Variants in CDH18 observed in about 807,000 individuals in gnomAD.
CDH18 encodes cadherin-18.
CDH18 carries 31 observed loss-of-function variants against 67.9 expected under a neutral mutation model. The ratio of observed to expected loss-of-function variants is 0.46; its 90% CI spans 0.34 to 0.62. The LOEUF is 0.62. CDH18 is among the 20% of genes least tolerant of loss of function. CDH18 has a pLI of 0.01. For missense variants in CDH18, 890 were observed against 975.5 expected, an observed-to-expected ratio of 0.91 and a Z score of 1.17; for synonymous variants, 362 against 347.2, an observed-to-expected ratio of 1.04 and a Z score of -0.48.
intron 12 of CDH18, among the ~76,000 whole-genome samples, chr5:19,477,607 A>AC (rs1463605503): frequency 6.6e-6 from 1 of 152,134 alleles, no homozygotes; most frequent in Non-Finnish European, 1.5e-5. Context: ...AAATCCTAAG[A>AC]CCAAAGTATA....
chr5:20,115,939 C>T (rs148065107), intron 2 of CDH18, among the ~76,000 whole-genome samples: 1 of 152,196 alleles, frequency 6.6e-6, no homozygotes, highest in East Asian at 1.9e-4. Context: ...TTCAATTCTC[C>T]CCATCCTCTC....
intron 5 of CDH18, among the ~76,000 whole-genome samples, chr5:19,623,432 A>G (rs1751002931): frequency 6.6e-6 from 1 of 152,194 alleles, no homozygotes; most frequent in Admixed American, 6.5e-5. Context: ...GTTATATTTC[A>G]TTTCTAGATT....
chr5:20,320,417 G>A (rs1737895614), intron 1 of CDH18, among the ~76,000 whole-genome samples: 1 of 151,990 alleles, frequency 6.6e-6, no homozygotes, highest in South Asian at 2.1e-4. Context: ...TGACAGGGAT[G>A]AGCTGGGCAG....
intron 1 of CDH18, among the ~76,000 whole-genome samples, chr5:20,320,222 A>G (rs1408267051): frequency 6.6e-6 from 1 of 152,160 alleles, no homozygotes; most frequent in African/African-American, 2.4e-5. Flanking sequence ...ATATTTTAAT[A>G]AAATAATATC....
At chr5:19,684,154 T>C (rs983741276) in intron 5 of CDH18, among the ~76,000 whole-genome samples, 2 of 152,112 alleles carry the variant, frequency 1.3e-5, no homozygotes, top group Non-Finnish European at 2.9e-5. Flanking sequence ...CTCTCATATT[T>C]TTAGCAAAAA....
intron 1 of CDH18, among the ~76,000 whole-genome samples, chr5:20,538,227 G>A (rs552760434): frequency 1.8e-4 from 27 of 152,226 alleles, no homozygotes; most frequent in African/African-American, 5.8e-4. Flanking sequence ...GATCTAAAAT[G>A]AGAAAGGGGG....
chr5:20,258,023 G>T (rs1744375705), intron 1 of CDH18, among the ~76,000 whole-genome samples: 1 of 151,986 alleles, frequency 6.6e-6, no homozygotes, highest in Non-Finnish European at 1.5e-5. Context: ...ATTTTGCAGA[G>T]CTCTTCATTT....
At chr5:20,506,066 G>A (rs1229143368) in intron 1 of CDH18, among the ~76,000 whole-genome samples, 1 of 152,140 alleles carries the variant, frequency 6.6e-6, no homozygotes, top group East Asian at 1.9e-4. Flanking sequence ...TCAAAAAAAG[G>A]ATGACACATT....
At chr5:19,973,987 T>C (rs1400621188) in intron 2 of CDH18, among the ~76,000 whole-genome samples, 1 of 152,142 alleles carries the variant, frequency 6.6e-6, no homozygotes, top group Non-Finnish European at 1.5e-5. Context: ...GAAGGGTATT[T>C]GATGATGCAA....
At chr5:19,793,714 T>C (rs1776586680) in intron 3 of CDH18, among the ~76,000 whole-genome samples, 1 of 151,766 alleles carries the variant, frequency 6.6e-6, no homozygotes, top group Admixed American at 6.6e-5. Context: ...AGATAGACAA[T>C]AAAACAAATA....
chr5:20,536,918 C>A (rs1186747016), intron 1 of CDH18, among the ~76,000 whole-genome samples: 1 of 152,090 alleles, frequency 6.6e-6, no homozygotes, highest in Non-Finnish European at 1.5e-5. Flanking sequence ...CTTGGATGGT[C>A]TAAATGGTCT....
chr5:20,550,828 G>A (rs1351441329), intron 1 of CDH18, among the ~76,000 whole-genome samples: 1 of 152,132 alleles, frequency 6.6e-6, no homozygotes, highest in Admixed American at 6.5e-5. Context: ...TACAAGCCTG[G>A]TGCCAGCATC....
intron 1 of CDH18, among the ~76,000 whole-genome samples, chr5:20,257,622 G>T (rs1744347269): frequency 2.6e-5 from 4 of 152,012 alleles, no homozygotes; most frequent in Admixed American, 2.6e-4. Flanking sequence ...ATAGTTCTTA[G>T]CATATTGATA....
intron 2 of CDH18, among the ~76,000 whole-genome samples, chr5:20,081,157 C>T (rs1375153250): frequency 2.6e-3 from 2 of 770 alleles, no homozygotes; most frequent in African/African-American, 4.1e-3. Flanking sequence ...GTATCTTTTC[C>T]TATTTTGGTA....
chr5:19,674,095 G>GAAA (rs1252513334), intron 5 of CDH18, among the ~76,000 whole-genome samples: 1 of 151,904 alleles, frequency 6.6e-6, no homozygotes, highest in African/African-American at 2.4e-5. Context: ...GGTAGCAATA[G>GAAA]AAAAAACAAT....
chr5:20,403,709 C>G (rs1745983569), intron 1 of CDH18, among the ~76,000 whole-genome samples: 1 of 152,052 alleles, frequency 6.6e-6, no homozygotes, highest in Non-Finnish European at 1.5e-5. Flanking sequence ...AGAACACAGG[C>G]AGAGTAGATT....
intron 9 of CDH18, among the ~76,000 whole-genome samples, chr5:19,532,801 A>G (rs1748847215): frequency 6.6e-6 from 1 of 152,214 alleles, no homozygotes. Flanking sequence ...TATAGCTGAC[A>G]AAAGTTTCCA....
chr5:20,142,038 C>G (rs900078802), intron 2 of CDH18, among the ~76,000 whole-genome samples: 1 of 151,630 alleles, frequency 6.6e-6, no homozygotes, highest in African/African-American at 2.4e-5. Flanking sequence ...AGAAAAGCTG[C>G]AAATTAGATA....
At chr5:19,660,746 T>G (rs1757040203) in intron 5 of CDH18, among the ~76,000 whole-genome samples, 1 of 152,064 alleles carries the variant, frequency 6.6e-6, no homozygotes. Flanking sequence ...TATTTATTTT[T>G]AAAATCACTG....
Sources: gnomAD v4.1 joint callset for allele counts (sites outside exome capture counted in the v4.1 genomes callset) on GRCh38, gnomAD v4.1.1 for gene constraint, MANE v1.5 for transcripts, NCBI Gene and HGNC (gene_info 2026-07-23, HGNC 2026-07-21) for gene names.